Variants in PLAU observed in about 807,000 individuals in gnomAD.
PLAU encodes plasminogen activator, urokinase.
A neutral mutation model predicts 48.9 loss-of-function variants in PLAU; 32 were observed. The ratio of observed to expected loss-of-function variants is 0.65; its 90% CI spans 0.49 to 0.88. PLAU has a LOEUF of 0.88. Ranked by LOEUF, PLAU falls within the 40% of genes least tolerant of loss-of-function variation. The pLI is 0.00. For synonymous variants in PLAU, 199 were observed against 205.7 expected, an observed-to-expected ratio of 0.97 and a Z score of 0.28; for missense variants, 455 against 545.2, an observed-to-expected ratio of 0.83 and a Z score of 1.65.
chr10:73,914,235 G>C (rs993932554), intron 8 of PLAU, 107 bp downstream of exon 8: 1 of 1,147,560 alleles, frequency 8.7e-7, no homozygotes, highest in Non-Finnish European at 1.3e-6. Flanking sequence ...CAGGGGTGGG[G>C]CGAGGGACCT....
rs367716060 is a variant in PLAU, at chr10:73,911,900, C to A, written c.58-141C>A. The A allele has an allele frequency of 2.9e-5, 46 of 1,574,744 alleles. No individual in the cohort carries two copies. The African/African-American group carries it at 5.0e-4, about 17-fold the overall frequency. ...CTCCTGGCTGGAAACCCATGGTCTT[C>A]CATTTGAGAACTAGATACGAACAGG... is the stretch of plus-strand genomic sequence containing the variant. On this transcript the variant is annotated intron_variant, in intron 2 of 10. Coordinates refer to ENST00000372764, the MANE Select transcript of PLAU (RefSeq NM_002658.6).
upstream of PLAU, among the ~76,000 whole-genome samples, chr10:73,909,592 A>G (rs1234887522): frequency 6.6e-6 from 1 of 152,162 alleles, no homozygotes; most frequent in Non-Finnish European, 1.5e-5. Flanking sequence ...AGAGCAAAGG[A>G]GCCTTCCTCC....
intron 1 of PLAU, 151 bp from the exon 2 acceptor site, chr10:73,911,374 C>G: frequency 1.2e-6 from 1 of 843,274 alleles, no homozygotes; most frequent in Non-Finnish European, 1.9e-6. Flanking sequence ...CCGCGGGTGC[C>G]GATCCAGGCT....
chr10:73,909,124 C>T (rs1207437219), upstream of PLAU: 1 of 152,182 alleles, frequency 6.6e-6, no homozygotes, highest in Non-Finnish European at 1.5e-5. Flanking sequence ...TGTCACGCTT[C>T]ATAACGGTCT....
intron 3 of PLAU, 29 bp from the exon 4 acceptor site, chr10:73,912,186 C>A: frequency 6.2e-7 from 1 of 1,614,170 alleles, no homozygotes; most frequent in Non-Finnish European, 8.5e-7. Context: ...TCCACTCCCC[C>A]TCGCTTACCC....
At chr10:73,915,455 G>C in intron 10 of PLAU, 56 bp downstream of exon 10, 3 of 1,505,936 alleles carry the variant, frequency 2.0e-6, no homozygotes, top group Non-Finnish European at 2.7e-6. Flanking sequence ...GAGCTCCTGG[G>C]CTTGTTCCAG....
chr10:73,914,645 G>C, intron 8 of PLAU, 131 bp from the exon 9 acceptor site: 1 of 823,328 alleles, frequency 1.2e-6, no homozygotes, highest in Non-Finnish European at 1.9e-6. Context: ...CAGGTGATAA[G>C]CGACCAGCAG....
Position 73,916,424 on chromosome 10 carries a change from A to T in PLAU, c.1155A>T (p.Gln385His). 6.2e-7 allele frequency: 1 copy of T among 1,613,664 alleles called. No individual in the cohort carries two copies. ...GGGGACCCCTCGTCTGTTCCCTCCA[A>T]GGCCGCATGACTTTGACTGGAATTG... Reference protein sequence around the residue: ...DSGGPLVCSLQGRMTLTGIVS... With the variant: ...DSGGPLVCSLHGRMTLTGIVS... The change falls in exon 11 of 11, where the codon CAA (glutamine) becomes CAT (histidine). Residue 385 changes from glutamine (Q) to histidine (H), a missense_variant. By Grantham distance (24) the Gln-to-His change is conservative. Transcript: ENST00000372764.
rs369779851 is a variant in PLAU at position 73,912,949 on chromosome 10, G to T, written c.219G>T (p.Gly73=). Residue 73 remains glycine, a synonymous_variant, in exon 5 of 11, where the codon GGG becomes GGT. Transcript: ENST00000372764. ...ATAAGTCAAAAACCTGCTATGAGGG[G>T]AATGGTCACTTTTACCGAGGAAAGG... is the stretch of plus-strand genomic sequence containing the variant. ...EIDKSKTCYE[G]NGHFYRGKAS... is the part of the protein sequence containing the mutation. 27 of 1,613,514 alleles carry T rather than the reference G, an allele frequency of 1.7e-5. No individual in the cohort carries two copies. The East Asian group carries it at 5.6e-4, about 33-fold the overall frequency.
At chr10:73,910,418 G>C (rs36228907), upstream of PLAU, 2 of 152,158 alleles carry the variant, frequency 1.3e-5, no homozygotes, top group Non-Finnish European at 2.9e-5. Flanking sequence ...ATCATATCAC[G>C]ACACCTAACC....
rs753060051 is a variant in PLAU at position 73,912,341 on chromosome 10, C to A, written c.193+19C>A. On this transcript the variant is annotated intron_variant, in intron 4 of 10. Transcript: ENST00000372764. ...GAAATAGGTATGGGGATCTCCACTGCAACTGGGAGAGAAATTTGGGGACAG... is the reference window on the plus strand; with the variant it reads ...GAAATAGGTATGGGGATCTCCACTGAAACTGGGAGAGAAATTTGGGGACAG... 5.7e-5 allele frequency: 43 copies of A among 756,828 alleles called. No individual in the cohort carries two copies. The Admixed American group carries it at 8.3e-4, about 15-fold the overall frequency. The allele number at this position is 756,828 out of a possible 1,614,324, so 46.9% of individuals were successfully genotyped here. A position where few individuals can be genotyped will look rare whatever the true frequency, so the allele number is the denominator to read the frequency against.
chr10:73,908,950 C>A (rs1235637092), upstream of PLAU, among the ~76,000 whole-genome samples: 1 of 151,618 alleles, frequency 6.6e-6, no homozygotes, highest in Non-Finnish European at 1.5e-5. Flanking sequence ...CCCCTTGAAC[C>A]CAGAAGCCCA....
At chr10:73,913,171 C>A in intron 5 of PLAU, 73 bp downstream of exon 5, 1 of 1,578,866 alleles carries the variant, frequency 6.3e-7, no homozygotes, top group Non-Finnish European at 8.7e-7. Context: ...TCCCCTTCTC[C>A]CAGAGGGCTG....
In PLAU at chr10:73,913,716, T is replaced by G; in HGVS notation, c.638T>G (p.Leu213Arg). ...GTCACCTACGTGTGTGGAGGCAGCC[T>G]CATCAGCCCTTGCTGGGTGATCAGC... is the stretch of plus-strand genomic sequence containing the variant. ...GSVTYVCGGS[L>R]ISPCWVISAT... The change falls in exon 7 of 11, where the codon CTC (leucine) becomes CGC (arginine). Residue 213 changes from leucine to arginine, a missense_variant. Transcript: ENST00000372764. 3 of 1,611,628 alleles carry G rather than the reference T, an allele frequency of 1.9e-6. No homozygotes were observed. Among genetic ancestry groups the G allele is most frequent in the Non-Finnish European group, 2.5e-6 (3 of 1,178,872 alleles).
rs866109478 is a variant in PLAU, at chr10:73,912,988, C to T, written c.258C>T (p.Thr86=). The change falls in exon 5 of 11, where the codon ACC becomes ACT. Residue 86 remains threonine (T), a synonymous_variant. Coordinates refer to ENST00000372764, the MANE Select transcript of PLAU (RefSeq NM_002658.6). Reference sequence around the variant, plus strand: ...ACCGAGGAAAGGCCAGCACTGACACCATGGGCCGGCCCTGCCTGCCCTGGA... The same window carrying T: ...ACCGAGGAAAGGCCAGCACTGACACTATGGGCCGGCCCTGCCTGCCCTGGA... ...HFYRGKASTD[T]MGRPCLPWNS... 1.9e-6 allele frequency: 3 copies of T among 1,614,118 alleles called. No homozygotes were observed. Among genetic ancestry groups the T allele is most frequent in the Middle Eastern group, 1.6e-4 (1 of 6,062 alleles).
rs1289559877 is a variant in PLAU at position 73,911,828 on chromosome 10, A to G, written c.58-213A>G. 2.6e-6 allele frequency: 4 copies of G among 1,551,980 alleles called. No individual in the cohort carries two copies. The East Asian group carries it at 9.8e-5, about 38-fold the overall frequency. On this transcript the variant is annotated intron_variant, in intron 2 of 10. Transcript: ENST00000372764. ...AGGAAGAGGCCGCCGGGACTGCCCC[A>G]GCCTGCGGGCATCTGGTAGATGAAG...
Position 73,914,786 on chromosome 10 carries a change from G to T in PLAU, c.840G>T (p.Lys280Asn), listed in dbSNP as rs1011811826. The change falls in exon 9 of 11, where the codon AAG (lysine) becomes AAT (asparagine). Residue 280 changes from lysine (K) to asparagine (N), a missense_variant. Physicochemically the swap from Lys to Asn is moderately conservative, Grantham distance 94. Transcript: ENST00000372764. The stretch of plus-strand genomic sequence containing the variant: ...TCTGTCCTCCCCCAGCCTTGCTGAA[G>T]ATCCGTTCCAAGGAGGGCAGGTGTG... ...LAHHNDIALL[K>N]IRSKEGRCAQ... 3 of 1,613,706 alleles carry T rather than the reference G, an allele frequency of 1.9e-6. No individual in the cohort carries two copies. In the African/African-American group the frequency reaches 4.0e-5, roughly 22 times the overall value.
rs2096122831 is a variant in PLAU at position 73,911,133 on chromosome 10, C to T, written c.-117C>T. The T allele has an allele frequency of 4.7e-6, 1 of 214,772 alleles. No homozygotes were observed. Among genetic ancestry groups the T allele is most frequent in the African/African-American group, 2.4e-5 (1 of 42,308 alleles). The allele number at this position is 214,772 out of a possible 1,614,324, so 13.3% of individuals were successfully genotyped here. ...AGAGCAGGCGCCGCGGGTCGCAGCA[C>T]AGTGCGGAGACCGCAGCCCCGGAGC... On this transcript the variant is annotated 5_prime_UTR_variant, in exon 1 of 11. Coordinates refer to ENST00000372764, the MANE Select transcript of PLAU (RefSeq NM_002658.6).
intron 7 of PLAU, 97 bp downstream of exon 7, chr10:73,913,855 A>T: frequency 2.2e-6 from 3 of 1,360,444 alleles, no homozygotes; most frequent in Non-Finnish European, 3.1e-6. Flanking sequence ...TTTCTCCCTC[A>T]TCTGCCCCTG....
Sources: allele counts gnomAD v4.1 joint callset (sites outside exome capture counted in the v4.1 genomes callset), GRCh38; gene constraint gnomAD v4.1.1; transcripts MANE v1.5; gene names NCBI Gene and HGNC (gene_info 2026-07-23, HGNC 2026-07-21).